PUS7L: variants seen among roughly 807,000 people sequenced by gnomAD.
The protein encoded by PUS7L is pseudouridine synthase 7 like.
A neutral mutation model predicts 51.1 loss-of-function variants in PUS7L; 49 were observed. The ratio of observed to expected loss-of-function variants is 0.96; its 90% CI spans 0.76 to 1.22. The LOEUF (loss-of-function observed/expected upper bound fraction) is 1.22, where lower values mean the gene tolerates loss of function less well. PUS7L is among the 50% of genes most tolerant of loss of function. The pLI is 0.00. For missense variants in PUS7L, 828 were observed against 820.6 expected (o/e 1.01, Z -0.11); for synonymous variants, 277 against 276.2 (o/e 1.00, Z -0.03).
chr12:43,750,849 A>G (rs1938406584), intron 2 of PUS7L, among the ~76,000 whole-genome samples: 1 of 152,208 alleles, frequency 6.6e-6, no homozygotes, highest in South Asian at 2.1e-4. Context: ...AGGAGGGTAG[A>G]TATTGGAATT....
Position 43,731,486 on chromosome 12 carries a change from G to C in PUS7L, c.1779+219C>G, listed in dbSNP as rs116424601. Reference sequence around the variant, plus strand: ...GAGAGGGGAGGAAACTGTTCTTTATGATTGATATTTGTGGTGGCCACACAG... The same window carrying C: ...GAGAGGGGAGGAAACTGTTCTTTATCATTGATATTTGTGGTGGCCACACAG... On this transcript the variant is annotated intron_variant, in intron 8 of 8. Coordinates refer to ENST00000344862, the MANE Select transcript of PUS7L (RefSeq NM_031292.5). Among the ~76,000 whole-genome samples, 254 of 152,194 alleles carry C rather than the reference G, an allele frequency of 1.7e-3. 1 individual carries two copies. The highest frequency in any genetic ancestry group is 5.9e-3 in the African/African-American group (245 of 41,526).
rs1157875389 is a variant in PUS7L, at chr12:43,748,547, G to C, written c.973C>G (p.Leu325Val). ...CTAAAATCCGAAGGAATAACACCAAGTTTGATAGCTAAAAAACCAATCGCT... is the reference window on the plus strand; with the variant it reads ...CTAAAATCCGAAGGAATAACACCAACTTTGATAGCTAAAAAACCAATCGCT... ...FEAIGFLAIKLGVIPSDFSYA... is the reference protein window; with the variant it reads ...FEAIGFLAIKVGVIPSDFSYA... The change falls in exon 3 of 9, where the codon CTT becomes GTT. Residue 325 changes from leucine to valine, a missense_variant. Leu to Val is a conservative substitution (Grantham distance 32). Coordinates refer to ENST00000344862, the MANE Select transcript of PUS7L (RefSeq NM_031292.5). The C allele has an allele frequency of 5.6e-6, 9 of 1,610,186 alleles. No homozygotes were observed. Among genetic ancestry groups the C allele is most frequent in the Non-Finnish European group, 8.5e-7 (1 of 1,178,946 alleles).
rs572581621 is a variant in PUS7L at position 43,726,644 on chromosome 12, A to C, written c.*3732T>G. On this transcript the variant is annotated 3_prime_UTR_variant, in exon 9 of 9. Transcript: ENST00000344862. ...AGAGTTTGAGACCAGCCTGGCCAAC[A>C]TGGTGAAACCCCGTCTCTAATAAAA... The C allele has an allele frequency of 6.6e-6, 1 of 152,354 alleles. No individual in the cohort carries two copies. The highest frequency in any genetic ancestry group is 2.1e-4 in the South Asian group (1 of 4,826). The allele number at this position is 152,354 out of a possible 1,614,324, so 9.4% of individuals were successfully genotyped here.
At chr12:43,757,523 TAA>T (rs1032441857) in intron 1 of PUS7L, among the ~76,000 whole-genome samples, 5 of 150,958 alleles carry the variant, frequency 3.3e-5, no homozygotes, top group African/African-American at 1.2e-4. Flanking sequence ...CAGTTCTAGG[TAA>T]AGTTTTTCTT....
rs540469073 is a variant in PUS7L, at chr12:43,730,448, C to G, written c.2034G>C (p.Leu678Phe). 1.2e-6 allele frequency: 2 copies of G among 1,613,762 alleles called. No individual in the cohort carries two copies. Among genetic ancestry groups the G allele is most frequent in the South Asian group, 2.2e-5 (2 of 91,058 alleles). The change falls in exon 9 of 9, where the codon TTG (leucine) becomes TTC (phenylalanine). Residue 678 changes from leucine to phenylalanine, a missense_variant. Coordinates refer to ENST00000344862, the MANE Select transcript of PUS7L (RefSeq NM_031292.5). ...SHIDETALSL[L>F]ISFDLDASCY... ...ATGAAGCATCAAGATCAAAAGAGAT[C>G]AAAAGAGACAAAGCTGTTTCATCAA...
rs934398409 is a variant in PUS7L, at chr12:43,722,725, C to A, written c.*7651G>T. 6.7e-4 allele frequency: 102 copies of A among 152,180 alleles called. No individual in the cohort carries two copies. Among genetic ancestry groups the A allele is most frequent in the African/African-American group, 2.4e-3 (98 of 41,562 alleles). The allele number at this position is 152,180 out of a possible 1,614,324, so 9.4% of individuals were successfully genotyped here. ...GAAAAGAACACTAGTCCTTTATGTT[C>A]CCCTGCCACAGGGGAGGCATTGGAA... On this transcript the variant is annotated 3_prime_UTR_variant, in exon 9 of 9. Coordinates refer to ENST00000344862, the MANE Select transcript of PUS7L (RefSeq NM_031292.5).
chr12:43,749,363 C>T (rs1938332478), intron 2 of PUS7L, among the ~76,000 whole-genome samples: 2 of 152,148 alleles, frequency 1.3e-5, no homozygotes, highest in South Asian at 4.1e-4. Flanking sequence ...TGGAATCAAC[C>T]TACGTGCCCA....
Position 43,738,371 on chromosome 12 carries a change from A to G in PUS7L, c.1383T>C (p.Phe461=). ...GATCATCCAAGTCTTCTGGTGTAAG[A>G]AACAATTTTATGGCTTTCATCTTAA... ...KNEMMKAIKL[F]LTPEDLDDPV... Residue 461 remains phenylalanine (F), a synonymous_variant, in exon 6 of 9, where the codon TTT becomes TTC. Transcript: ENST00000344862. 6.3e-7 allele frequency: 1 copy of G among 1,585,696 alleles called. No homozygotes were observed. Among genetic ancestry groups the G allele is most frequent in the Non-Finnish European group, 8.7e-7 (1 of 1,155,698 alleles).
At chr12:43,738,707 G>C (rs2137689905) in intron 5 of PUS7L, 2 of 275,974 alleles carry the variant, frequency 7.2e-6, no homozygotes, top group South Asian at 9.1e-5. Context: ...TTCTTAGTAA[G>C]GTGTAAGAAT....
chr12:43,756,957 C>T (rs145480918), intron 1 of PUS7L, among the ~76,000 whole-genome samples: 4 of 152,288 alleles, frequency 2.6e-5, no homozygotes, highest in Non-Finnish European at 5.9e-5. Flanking sequence ...CTTCCAAGGA[C>T]ATCTAAGATT....
In PUS7L at chr12:43,723,594, G is replaced by A. The variant is rs760106400; in HGVS notation, c.*6782C>T. On this transcript the variant is annotated 3_prime_UTR_variant, in exon 9 of 9. Coordinates refer to ENST00000344862, the MANE Select transcript of PUS7L (RefSeq NM_031292.5). Reference sequence around the variant, plus strand: ...GCATTTCAAATCAAATGAAAACAAGGGATATTAACACTGTTAATCCCTCAA... The same window carrying A: ...GCATTTCAAATCAAATGAAAACAAGAGATATTAACACTGTTAATCCCTCAA... The A allele has an allele frequency of 1.3e-5, 2 of 151,802 alleles. No homozygotes were observed. Among genetic ancestry groups the A allele is most frequent in the Non-Finnish European group, 2.9e-5 (2 of 67,876 alleles). 9.4% of individuals were successfully genotyped at this position (151,802 alleles called of 1,614,324 possible).
rs183784691 is a variant in PUS7L at position 43,720,752 on chromosome 12, T to A, written c.*9624A>T. 5.3e-5 allele frequency: 8 copies of A among 152,352 alleles called. No individual in the cohort carries two copies. Among genetic ancestry groups the A allele is most frequent in the South Asian group, 2.1e-4 (1 of 4,830 alleles). 9.4% of individuals were successfully genotyped at this position (152,352 alleles called of 1,614,324 possible). ...GTTAAAGCTGCCTTTAAGGTTTTTC[T>A]TTTTATTATTGATGTTTTGCATATT... On this transcript the variant is annotated 3_prime_UTR_variant, in exon 9 of 9. Transcript: ENST00000344862.
chr12:43,726,850 T>C lies in PUS7L; in HGVS notation c.*3526A>G, dbSNP rs1243599274. On this transcript the variant is annotated 3_prime_UTR_variant, in exon 9 of 9. Transcript: ENST00000344862. The stretch of plus-strand genomic sequence containing the variant: ...CTAAAAAAAAAAAAAAATTGACAAG[T>C]GGGACCTAATTAAACTAAATAGCTT... 6.7e-6 allele frequency: 1 copy of C among 149,056 alleles called. No individual in the cohort carries two copies. The highest frequency in any genetic ancestry group is 1.5e-5 in the Non-Finnish European group (1 of 67,364). The allele number at this position is 149,056 out of a possible 1,614,324, so 9.2% of individuals were successfully genotyped here. A position where few individuals can be genotyped will look rare whatever the true frequency, so the allele number is the denominator to read the frequency against.
rs199874792 is a variant in PUS7L at position 43,742,439 on chromosome 12, A to G, written c.1362+18T>C. On this transcript the variant is annotated intron_variant, in intron 5 of 8. Transcript: ENST00000344862. ...AATTGACAGAAACAGATAAGATTAC[A>G]TTTTTCAAAATCCATACCATTTCAT... is the stretch of plus-strand genomic sequence containing the variant. 1,431 of 1,556,810 alleles carry G rather than the reference A, an allele frequency of 9.2e-4. 2 individuals are homozygous for G. The highest frequency in any genetic ancestry group is 1.2e-3 in the Non-Finnish European group (1,369 of 1,134,518).
At chr12:43,742,398 G>T in intron 5 of PUS7L, 59 bp downstream of exon 5, 1 of 1,183,966 alleles carries the variant, frequency 8.4e-7, no homozygotes, top group Middle Eastern at 1.9e-4. Flanking sequence ...AAGGAGCTGG[G>T]TTATGTAGTA....
In PUS7L at chr12:43,743,815, CATAA is replaced by C. The variant is rs367903926; in HGVS notation, c.1264-1264_1264-1261del. On this transcript the variant is annotated intron_variant, in intron 4 of 8. Transcript: ENST00000344862. ...AATAAGTACTCCCTGAATTAAATCTCATAAATATTTTTAGTTATTTCAAATTTGA... is the reference window on the plus strand; with the variant it reads ...AATAAGTACTCCCTGAATTAAATCTCATATTTTTAGTTATTTCAAATTTGA... Among the ~76,000 whole-genome samples the C allele has an allele frequency of 3.3e-3, 508 of 152,130 alleles. 1 individual carries two copies. Among genetic ancestry groups the C allele is most frequent in the South Asian group, 0.032 (152 of 4,820 alleles).
At position 43,758,570 on chromosome 12, in the gene PUS7L, C is replaced by G. The variant is rs985303610; in HGVS notation, c.-17+160G>C. The G allele has an allele frequency of 1.3e-5, 13 of 984,994 alleles. No homozygotes were observed. In the Admixed American group the frequency reaches 4.9e-4, roughly 37 times the overall value. The allele number at this position is 984,994 out of a possible 1,614,324, so 61.0% of individuals were successfully genotyped here. On this transcript the variant is annotated intron_variant, in intron 1 of 8. Coordinates refer to ENST00000344862, the MANE Select transcript of PUS7L (RefSeq NM_031292.5). ...TACCTGTTTCTTCTCCCTCCTCTTA[C>G]TCTGCCTGTCCAAAGGCACGACACT...
Position 43,728,031 on chromosome 12 carries a change from A to C in PUS7L, c.*2345T>G, listed in dbSNP as rs1367794846. ...GTTTAAGATGACACTTTAAAAATAAATTAACTCCTAATAATGAGGTGAAGA... is the reference window on the plus strand; with the variant it reads ...GTTTAAGATGACACTTTAAAAATAACTTAACTCCTAATAATGAGGTGAAGA... On this transcript the variant is annotated 3_prime_UTR_variant, in exon 9 of 9. Coordinates refer to ENST00000344862, the MANE Select transcript of PUS7L (RefSeq NM_031292.5). The C allele has an allele frequency of 1.3e-5, 2 of 151,792 alleles. No individual in the cohort carries two copies. Among genetic ancestry groups the C allele is most frequent in the Non-Finnish European group, 2.9e-5 (2 of 67,926 alleles). 9.4% of individuals were successfully genotyped at this position (151,792 alleles called of 1,614,324 possible). A position where few individuals can be genotyped will look rare whatever the true frequency, so the allele number is the denominator to read the frequency against.
intron 2 of PUS7L, among the ~76,000 whole-genome samples, chr12:43,750,560 C>T (rs577786805): frequency 3.3e-5 from 5 of 152,096 alleles, no homozygotes; most frequent in Admixed American, 6.6e-5. Flanking sequence ...AAGTCAATTA[C>T]ACTGAATTTT....
Sources: gnomAD v4.1 joint callset for allele counts (sites outside exome capture counted in the v4.1 genomes callset) on GRCh38, gnomAD v4.1.1 for gene constraint, MANE v1.5 for transcripts, NCBI Gene and HGNC (gene_info 2026-07-23, HGNC 2026-07-21) for gene names.